CHL1: variants seen among roughly 807,000 people sequenced by gnomAD.
CHL1 encodes the protein cell adhesion molecule L1 like.
CHL1 carries 96 observed loss-of-function variants against 141.9 expected under a neutral mutation model. The ratio of observed to expected loss-of-function variants is 0.68; its 90% CI spans 0.57 to 0.80. The LOEUF is 0.80. Ranked by LOEUF, CHL1 falls within the 30% of genes least tolerant of loss-of-function variation. The pLI, the probability that CHL1 is intolerant of heterozygous loss-of-function variation, is 0.00. For missense variants in CHL1, 1,820 were observed against 1,457.2 expected, an observed-to-expected ratio of 1.25 and a Z score of -4.05; for synonymous variants, 613 against 502.2, an observed-to-expected ratio of 1.22 and a Z score of -2.95.
intron 9 of CHL1, 106 bp from the exon 10 acceptor site, chr3:349,253 A>G: frequency 1.1e-6 from 1 of 880,234 alleles, no homozygotes; most frequent in Non-Finnish European, 1.8e-6. Flanking sequence ...GTGGAATATG[A>G]GCACATGTGT....
chr3:362,137 A>G (rs1247244637), intron 13 of CHL1, among the ~76,000 whole-genome samples: 1 of 152,110 alleles, frequency 6.6e-6, no homozygotes, highest in Non-Finnish European at 1.5e-5. Flanking sequence ...GTTTTACTCT[A>G]TTGTTGTTGT....
At chr3:243,380 G>T (rs985887458) in intron 1 of CHL1, among the ~76,000 whole-genome samples, 1 of 152,136 alleles carries the variant, frequency 6.6e-6, no homozygotes. Context: ...CCATTGGTCA[G>T]AAGCCATATT....
intron 19 of CHL1, among the ~76,000 whole-genome samples, chr3:384,901 G>C (rs1575247679): frequency 2.6e-5 from 4 of 152,112 alleles, no homozygotes; most frequent in Admixed American, 2.6e-4. Flanking sequence ...CAATCACATG[G>C]CCCATACCTG....
At chr3:299,530 T>C (rs973163943) in intron 2 of CHL1, among the ~76,000 whole-genome samples, 1 of 152,154 alleles carries the variant, frequency 6.6e-6, no homozygotes, top group African/African-American at 2.4e-5. Context: ...TTTTGAGAAA[T>C]TACTATGTTC....
At chr3:384,928 T>C (rs544922106) in intron 19 of CHL1, among the ~76,000 whole-genome samples, 8 of 152,232 alleles carry the variant, frequency 5.3e-5, no homozygotes, top group African/African-American at 1.9e-4. Context: ...ATTTAGTCAA[T>C]ATTTTTTAGA....
intron 9 of CHL1, among the ~76,000 whole-genome samples, chr3:348,755 A>T (rs1353082187): frequency 6.6e-6 from 1 of 152,234 alleles, no homozygotes; most frequent in African/African-American, 2.4e-5. Flanking sequence ...GCTTCCCGAC[A>T]AGGGCGAGAA....
At chr3:277,906 C>T (rs1182514727) in intron 2 of CHL1, among the ~76,000 whole-genome samples, 4 of 152,194 alleles carry the variant, frequency 2.6e-5, no homozygotes, top group African/African-American at 4.8e-5. Flanking sequence ...AGTTTTACAG[C>T]TACATTTCAC....
chr3:359,526 C>A (rs1575157667), intron 11 of CHL1, among the ~76,000 whole-genome samples: 1 of 152,192 alleles, frequency 6.6e-6, no homozygotes, highest in East Asian at 1.9e-4. Context: ...TGGTCTTGAA[C>A]TCCTGACTTC....
At chr3:377,249 C>T (rs987597378) in intron 15 of CHL1, among the ~76,000 whole-genome samples, 3 of 152,208 alleles carry the variant, frequency 2.0e-5, no homozygotes, top group African/African-American at 7.2e-5. Flanking sequence ...AAGTACTACA[C>T]TGCCATCTTC....
At chr3:288,467 T>C (rs1351204735) in intron 2 of CHL1, among the ~76,000 whole-genome samples, 1 of 152,216 alleles carries the variant, frequency 6.6e-6, no homozygotes, top group East Asian at 1.9e-4. Flanking sequence ...AGCAACTGGT[T>C]ACAGTTTGCT....
rs759628440 is a variant in CHL1, at chr3:361,705, G to A, written c.1313G>A (p.Arg438His). Residue 438 changes from arginine (R) to histidine (H), a missense_variant, in exon 13 of 28, where the codon CGT (arginine) becomes CAT (histidine). Coordinates refer to ENST00000256509, the MANE Select transcript of CHL1 (RefSeq NM_006614.4). ...ANANIDVVDV[R>H]PLIQTKDGEN... ...TTATGTTATTTTCAAATAGATGTCC[G>A]TCCATTGATACAAACCAAAGATGGA... The A allele has an allele frequency of 1.1e-4, 178 of 1,606,152 alleles. No individual in the cohort carries two copies. The highest frequency in any genetic ancestry group is 1.4e-4 in the Non-Finnish European group (161 of 1,173,370).
intron 1 of CHL1, among the ~76,000 whole-genome samples, chr3:199,641 G>A (rs1274890286): frequency 1.3e-5 from 2 of 152,046 alleles, no homozygotes; most frequent in African/African-American, 4.8e-5. Context: ...GCATTTCTTG[G>A]TGAACTTGAG....
chr3:308,338 A>G (rs1699429323), intron 2 of CHL1, among the ~76,000 whole-genome samples: 1 of 152,178 alleles, frequency 6.6e-6, no homozygotes, highest in Non-Finnish European at 1.5e-5. Flanking sequence ...ACTGCCTCAT[A>G]AAATGTACAG....
intron 20 of CHL1, 94 bp from the exon 21 acceptor site, chr3:390,607 T>C: frequency 1.4e-6 from 1 of 709,594 alleles, no homozygotes; most frequent in East Asian, 2.6e-5. Context: ...AAAAGTGCTT[T>C]CTCCAGAAGA....
At chr3:291,683 G>T (rs1697709960) in intron 2 of CHL1, among the ~76,000 whole-genome samples, 1 of 151,894 alleles carries the variant, frequency 6.6e-6, no homozygotes, top group Admixed American at 6.6e-5. Flanking sequence ...ATTTTTAGAG[G>T]TCATTTTTTT....
At chr3:252,390 A>ATATATG (rs1430194027) in intron 2 of CHL1, among the ~76,000 whole-genome samples, 1 of 138,998 alleles carries the variant, frequency 7.2e-6, no homozygotes, top group South Asian at 2.2e-4. Context: ...ATATATATAT[A>ATATATG]TATATATATA....
intron 2 of CHL1, among the ~76,000 whole-genome samples, 176 bp from the exon 3 acceptor site, chr3:319,507 T>C (rs191514268): frequency 4.2e-4 from 64 of 151,578 alleles, no homozygotes; most frequent in African/African-American, 1.5e-3. Flanking sequence ...TGTCCTTTAT[T>C]TTACATACAA....
At chr3:363,716 A>G (rs1704524658) in intron 14 of CHL1, 1 of 175,232 alleles carries the variant, frequency 5.7e-6, no homozygotes, top group South Asian at 1.5e-4. Context: ...AGGTAATGGT[A>G]ACAGTAATCA....
At chr3:294,084 C>T (rs1008403103) in intron 2 of CHL1, among the ~76,000 whole-genome samples, 11 of 151,734 alleles carry the variant, frequency 7.2e-5, no homozygotes, top group African/African-American at 1.9e-4. Context: ...TTTGGGAGGC[C>T]GAGGCAGGCA....
Sources: gnomAD v4.1 joint callset for allele counts (sites outside exome capture counted in the v4.1 genomes callset) on GRCh38, gnomAD v4.1.1 for gene constraint, MANE v1.5 for transcripts, NCBI Gene and HGNC (gene_info 2026-07-23, HGNC 2026-07-21) for gene names.